BCKDHB: variants seen among roughly 807,000 people sequenced by gnomAD.
BCKDHB encodes branched chain keto acid dehydrogenase E1 subunit beta.
A neutral mutation model predicts 48.5 loss-of-function variants in BCKDHB; 41 were observed. The observed-to-expected ratio is 0.85, with a 90% CI of 0.66 to 1.10. BCKDHB has a LOEUF of 1.10. Ranked by LOEUF, BCKDHB falls within the 50% of genes least tolerant of loss-of-function variation. The pLI is 0.00. For missense variants in BCKDHB, 496 were observed against 494.2 expected, an observed-to-expected ratio of 1.00 and a Z score of -0.03; for synonymous variants, 201 against 174.8, an observed-to-expected ratio of 1.15 and a Z score of -1.18.
chr6:80,200,465 A>G (rs1191214710), intron 6 of BCKDHB, among the ~76,000 whole-genome samples: 1 of 152,192 alleles, frequency 6.6e-6, no homozygotes, highest in African/African-American at 2.4e-5. Flanking sequence ...CTGAGAACTT[A>G]ATTCAGTTTA....
intron 8 of BCKDHB, among the ~76,000 whole-genome samples, chr6:80,205,793 T>G (rs76459115): frequency 2.0e-3 from 201 of 101,184 alleles, no homozygotes; most frequent in African/African-American, 7.7e-3. Flanking sequence ...GTGCCATGGG[T>G]GTGTGTGTGT....
At chr6:80,290,908 A>G (rs1170501342) in intron 9 of BCKDHB, among the ~76,000 whole-genome samples, 1 of 152,190 alleles carries the variant, frequency 6.6e-6, no homozygotes, top group Non-Finnish European at 1.5e-5. Flanking sequence ...ACTTGTTGAC[A>G]TTGTATGGCA....
At chr6:80,190,174 A>T (rs551257855) in intron 6 of BCKDHB, among the ~76,000 whole-genome samples, 17 of 152,272 alleles carry the variant, frequency 1.1e-4, no homozygotes, top group Middle Eastern at 3.4e-3. Context: ...ATTTGAGAAA[A>T]TGGTAGGGAA....
chr6:80,111,469 C>T (rs1396651150), intron 1 of BCKDHB, among the ~76,000 whole-genome samples: 2 of 152,150 alleles, frequency 1.3e-5, no homozygotes, highest in Non-Finnish European at 2.9e-5. Flanking sequence ...AGGGGACTGG[C>T]AGGGGCTTAA....
chr6:80,370,218 T>G, the BCKDHB span, among the ~76,000 whole-genome samples: 1 of 152,162 alleles, frequency 6.6e-6, no homozygotes, highest in South Asian at 2.1e-4. Flanking sequence ...AAAAAAGAGG[T>G]TAGAAGAGGA....
chr6:80,220,324 A>G (rs1368735552), intron 8 of BCKDHB, among the ~76,000 whole-genome samples: 1 of 30,214 alleles, frequency 3.3e-5, no homozygotes, highest in South Asian at 1.1e-3. Flanking sequence ...TTTTTTTGTC[A>G]TGTATTTTCC....
the BCKDHB span, among the ~76,000 whole-genome samples, chr6:80,460,012 T>A: frequency 6.6e-6 from 1 of 152,104 alleles, no homozygotes; most frequent in East Asian, 1.9e-4. Flanking sequence ...ACTTCCATAG[T>A]TTTTGAGGAT....
At chr6:80,292,248 T>C (rs1766958129) in intron 9 of BCKDHB, among the ~76,000 whole-genome samples, 1 of 152,208 alleles carries the variant, frequency 6.6e-6, no homozygotes, top group South Asian at 2.1e-4. Flanking sequence ...CTTGGTGTAT[T>C]AGTCTATTCT....
intron 9 of BCKDHB, among the ~76,000 whole-genome samples, chr6:80,324,812 T>C (rs1768949428): frequency 6.6e-6 from 1 of 152,208 alleles, no homozygotes; most frequent in Admixed American, 6.5e-5. Context: ...GCCATATGGC[T>C]CCAGCAGTTC....
At chr6:80,210,926 G>A (rs1206546024) in intron 8 of BCKDHB, among the ~76,000 whole-genome samples, 1 of 152,154 alleles carries the variant, frequency 6.6e-6, no homozygotes, top group Non-Finnish European at 1.5e-5. Flanking sequence ...GAGCTGCCGT[G>A]TTAACAAAAC....
chr6:80,254,915 C>T (rs1776986818), intron 8 of BCKDHB, among the ~76,000 whole-genome samples: 2 of 152,156 alleles, frequency 1.3e-5, no homozygotes, highest in African/African-American at 4.8e-5. Flanking sequence ...GATAGACAGA[C>T]AGACAGACAG....
chr6:80,462,820 A>G, the BCKDHB span: 1 of 151,464 alleles, frequency 6.6e-6, no homozygotes, highest in Admixed American at 6.6e-5. Flanking sequence ...AGGACTTGAT[A>G]TTTCCATAGA....
intron 3 of BCKDHB, among the ~76,000 whole-genome samples, chr6:80,150,269 T>C (rs1474571323): frequency 6.6e-6 from 1 of 152,124 alleles, no homozygotes; most frequent in Non-Finnish European, 1.5e-5. Context: ...TACCTGTAAC[T>C]CAGTATACTT....
At chr6:80,276,187 G>T (rs918676312) in intron 9 of BCKDHB, among the ~76,000 whole-genome samples, 16 of 152,072 alleles carry the variant, frequency 1.1e-4, no homozygotes, top group Middle Eastern at 3.4e-3. Context: ...CTCCACAGGC[G>T]ATTTTTGATA....
At chr6:80,151,336 T>G (rs1771764581) in intron 3 of BCKDHB, among the ~76,000 whole-genome samples, 1 of 152,162 alleles carries the variant, frequency 6.6e-6, no homozygotes, top group East Asian at 1.9e-4. Context: ...AGAGCTAGCA[T>G]AAGAAAAGTT....
At chr6:80,260,302 C>T (rs186620714) in intron 8 of BCKDHB, among the ~76,000 whole-genome samples, 51 of 152,244 alleles carry the variant, frequency 3.3e-4, no homozygotes, top group South Asian at 1.9e-3. Flanking sequence ...GGGTAACTTA[C>T]TAAAACTTCT....
chr6:80,455,600 G>A, the BCKDHB span, among the ~76,000 whole-genome samples: 2 of 150,672 alleles, frequency 1.3e-5, no homozygotes, highest in African/African-American at 4.9e-5. Context: ...TTCAGTACCC[G>A]TCAACGGAGA....
intron 9 of BCKDHB, among the ~76,000 whole-genome samples, chr6:80,278,458 ATCCATGTTAT>A (rs1183204864): frequency 7.2e-5 from 11 of 152,254 alleles, no homozygotes; most frequent in African/African-American, 2.6e-4. Context: ...TTGTAGTTAA[ATCCATGTTAT>A]ACTCTGTTGG....
At chr6:80,374,257 T>C in the BCKDHB span, 1 of 784,456 alleles carries the variant, frequency 1.3e-6, no homozygotes, top group Non-Finnish European at 2.3e-6. Context: ...TCTAAACCCT[T>C]AAGTTCACCA....
Sources: allele counts gnomAD v4.1 joint callset (sites outside exome capture counted in the v4.1 genomes callset), GRCh38; gene constraint gnomAD v4.1.1; transcripts MANE v1.5; gene names NCBI Gene and HGNC (gene_info 2026-07-23, HGNC 2026-07-21).